The following PPFIA1 variants were observed in gnomAD, a reference collection of about 807,000 sequenced individuals.
The protein encoded by PPFIA1 is liprin-alpha-1.
In PPFIA1, 25 loss-of-function variants were observed where a neutral mutation model predicts 149.9. The observed-to-expected ratio is 0.17, with a 90% CI of 0.12 to 0.23. The LOEUF is 0.23. Ranked by LOEUF, PPFIA1 falls within the 10% of genes least tolerant of loss-of-function variation. The probability of loss-of-function intolerance (pLI) is 1.00; values close to 1 mark genes in which losing one functional copy is unlikely to be tolerated. For synonymous variants in PPFIA1, 549 were observed against 552.8 expected (o/e 0.99, Z 0.10); for missense variants, 1,362 against 1,506.5 (o/e 0.90, Z 1.59).
intron 2 of PPFIA1, among the ~76,000 whole-genome samples, chr11:70,295,078 C>G (rs1354597597): frequency 6.6e-6 from 1 of 152,206 alleles, no homozygotes; most frequent in East Asian, 1.9e-4. Flanking sequence ...GGTACACCTC[C>G]CAGACGGGGT....
chr11:70,341,353 T>C (rs1434432765), intron 14 of PPFIA1, among the ~76,000 whole-genome samples: 3 of 151,870 alleles, frequency 2.0e-5, no homozygotes, highest in South Asian at 2.1e-4. Flanking sequence ...TGTATTGTTA[T>C]GGAGTGCCAA....
rs184217340 is a variant in PPFIA1, at chr11:70,307,935, A to C, written c.265-16467A>C. ...AACAAGACTTTGTCTCCAAAAGCAA[A>C]GAAAAAAGCTCTGTCCTAATCCCCT... On this transcript the variant is annotated intron_variant, in intron 2 of 27. Transcript: ENST00000253925. Among the ~76,000 whole-genome samples, 11 of 152,336 alleles carry C rather than the reference A, an allele frequency of 7.2e-5. No individual in the cohort carries two copies. In the East Asian group the frequency reaches 2.1e-3, roughly 29 times the overall value.
intron 2 of PPFIA1, among the ~76,000 whole-genome samples, chr11:70,296,348 T>G (rs1471754360): frequency 3.9e-5 from 6 of 151,928 alleles, no homozygotes; most frequent in Non-Finnish European, 5.9e-5. Flanking sequence ...AGGTGGAGGT[T>G]GTAGCGAGCC....
At chr11:70,298,293 A>G (rs1214414794) in intron 2 of PPFIA1, among the ~76,000 whole-genome samples, 1 of 152,304 alleles carries the variant, frequency 6.6e-6, no homozygotes, top group African/African-American at 2.4e-5. Flanking sequence ...TAGAAGGCCT[A>G]TGCAGGAGGC....
At chr11:70,313,814 C>T (rs2053433510) in intron 2 of PPFIA1, among the ~76,000 whole-genome samples, 1 of 152,032 alleles carries the variant, frequency 6.6e-6, no homozygotes, top group Non-Finnish European at 1.5e-5. Flanking sequence ...TCACTTGAGC[C>T]CAGGAGTTTG....
intron 17 of PPFIA1, among the ~76,000 whole-genome samples, chr11:70,355,331 A>G (rs1366859922): frequency 6.6e-6 from 1 of 152,128 alleles, no homozygotes; most frequent in African/African-American, 2.4e-5. Context: ...GAGTAGAGTA[A>G]TGCTCAGGGC....
intron 2 of PPFIA1, among the ~76,000 whole-genome samples, chr11:70,315,611 C>T (rs941171529): frequency 1.2e-4 from 18 of 150,474 alleles, no homozygotes; most frequent in Admixed American, 1.1e-3. Context: ...TCCTTGTGTC[C>T]ATTTATTAGA....
At chr11:70,367,666 AG>A (rs1218212637) in intron 21 of PPFIA1, 4 of 454,026 alleles carry the variant, frequency 8.8e-6, no homozygotes, top group Non-Finnish European at 1.8e-5. Context: ...TCCTTCTGGG[AG>A]TTCATGTTAT....
At chr11:70,328,842 C>G (rs2054479513) in intron 7 of PPFIA1, among the ~76,000 whole-genome samples, 1 of 152,066 alleles carries the variant, frequency 6.6e-6, no homozygotes, top group Admixed American at 6.6e-5. Context: ...AGCTTTTTTC[C>G]CCTATCACTT....
chr11:70,301,818 A>G (rs536241851), intron 2 of PPFIA1, among the ~76,000 whole-genome samples: 60 of 152,336 alleles, frequency 3.9e-4, no homozygotes, highest in African/African-American at 1.4e-3. Context: ...GAAACCATTC[A>G]TAGAGCTCTC....
chr11:70,348,541 A>T (rs1591302659), intron 16 of PPFIA1, 121 bp downstream of exon 16: 2 of 818,926 alleles, frequency 2.4e-6, no homozygotes, highest in East Asian at 5.2e-5. Context: ...GTTCAAGATT[A>T]TAAAAACTAG....
At chr11:70,309,281 T>C (rs1354064845) in intron 2 of PPFIA1, among the ~76,000 whole-genome samples, 1 of 152,176 alleles carries the variant, frequency 6.6e-6, no homozygotes, top group Non-Finnish European at 1.5e-5. Flanking sequence ...GCGATTCTCC[T>C]GCCTCAGCCT....
chr11:70,378,121 C>G lies in PPFIA1; in HGVS notation c.3476C>G (p.Thr1159Ser). Residue 1159 changes from threonine to serine, a missense_variant, in exon 26 of 28, where the codon ACT (threonine) becomes AGT (serine). Transcript: ENST00000253925. ...GGCTTAGCTGCTGGGTCAGCAGAGA[C>G]TCTCCCTGCAAACTTCCGGGTGACT... The part of the protein sequence containing the change: ...IRGLAAGSAE[T>S]LPANFRVTSS... 6 of 1,614,152 alleles carry G rather than the reference C, an allele frequency of 3.7e-6. No individual in the cohort carries two copies. The highest frequency in any genetic ancestry group is 5.1e-6 in the Non-Finnish European group (6 of 1,180,016).
chr11:70,331,100 C>T (rs757838949), intron 8 of PPFIA1, among the ~76,000 whole-genome samples: 5 of 151,786 alleles, frequency 3.3e-5, no homozygotes, highest in African/African-American at 4.8e-5. Context: ...GGCTTGGTGG[C>T]GCGCATCTGT....
intron 14 of PPFIA1, among the ~76,000 whole-genome samples, chr11:70,343,038 C>G (rs1232235394): frequency 6.7e-6 from 1 of 148,842 alleles, no homozygotes; most frequent in Admixed American, 6.8e-5. Flanking sequence ...ACTTCCACCT[C>G]CCAGGTTCAA....
intron 2 of PPFIA1, among the ~76,000 whole-genome samples, chr11:70,294,597 A>G (rs2051768551): frequency 1.3e-5 from 2 of 148,452 alleles, no homozygotes; most frequent in Non-Finnish European, 3.0e-5. Flanking sequence ...GGTGTTTCTC[A>G]CAGAGAGGGA....
chr11:70,356,266 G>C lies in PPFIA1; in HGVS notation c.2582+12G>C. ...AAACTTCAAAAAAAGTAAGCTTTGT[G>C]TTATTTCTTCATCTCATTGAATGGT... On this transcript the variant is annotated intron_variant, in intron 19 of 27. Transcript: ENST00000253925. 3 of 1,603,054 alleles carry C rather than the reference G, an allele frequency of 1.9e-6. No individual in the cohort carries two copies.
intron 2 of PPFIA1, among the ~76,000 whole-genome samples, chr11:70,311,250 G>A (rs2053252856): frequency 6.6e-6 from 1 of 151,768 alleles, no homozygotes; most frequent in Non-Finnish European, 1.5e-5. Context: ...GGAGGTTGTG[G>A]TGAGCCGAGA....
chr11:70,329,337 A>G (rs1231824278), intron 7 of PPFIA1, among the ~76,000 whole-genome samples: 1 of 152,224 alleles, frequency 6.6e-6, no homozygotes, highest in Non-Finnish European at 1.5e-5. Context: ...AAGAGAGACA[A>G]GTCTTTGTTA....
Sources: allele counts gnomAD v4.1 joint callset (sites outside exome capture counted in the v4.1 genomes callset), GRCh38; gene constraint gnomAD v4.1.1; transcripts MANE v1.5; gene names NCBI Gene and HGNC (gene_info 2026-07-23, HGNC 2026-07-21).